The following RAD51B variants were observed in gnomAD, a reference collection of about 807,000 sequenced individuals.
RAD51B encodes DNA repair protein RAD51 homolog 2.
A neutral mutation model predicts 42.2 loss-of-function variants in RAD51B; 38 were observed. The ratio of observed to expected loss-of-function variants is 0.90; its 90% CI spans 0.70 to 1.18. RAD51B has a LOEUF of 1.18. Ranked by LOEUF, RAD51B falls within the 50% of genes most tolerant of loss-of-function variation. The pLI is 0.00. For missense variants in RAD51B, 373 were observed against 400.7 expected (o/e 0.93, Z 0.59); for synonymous variants, 154 against 145.2 (o/e 1.06, Z -0.43).
intron 7 of RAD51B, among the ~76,000 whole-genome samples, chr14:68,258,940 C>T (rs142574614): frequency 0.015 from 2,236 of 152,226 alleles, 23 homozygotes; most frequent in Non-Finnish European, 0.024. Context: ...CCTCTACTGC[C>T]GGTGGCCTAA....
chr14:68,237,069 G>C lies in RAD51B; in HGVS notation c.757-54815G>C, dbSNP rs2080273770. 1.3e-5 allele frequency among the ~76,000 whole-genome samples: 2 copies of C among 152,202 alleles called. 1 individual carries two copies. The highest frequency in any genetic ancestry group is 4.1e-4 in the South Asian group (2 of 4,822). ...CTGCTATTTCAATTATGTGAGCAGT[G>C]ATGTATCTGTCTCAAAAATCTCTGT... On this transcript the variant is annotated intron_variant, in intron 7 of 10. Transcript: ENST00000471583.
At chr14:67,838,504 A>G (rs2041321843) in intron 4 of RAD51B, among the ~76,000 whole-genome samples, 1 of 152,118 alleles carries the variant, frequency 6.6e-6, no homozygotes. Context: ...GTGCAGTGGC[A>G]CAACCATAGC....
In RAD51B at chr14:68,017,396, G is replaced by T. The variant is rs575448712; in HGVS notation, c.756+130192G>T. On this transcript the variant is annotated intron_variant, in intron 7 of 10. Coordinates refer to ENST00000471583, the MANE Select transcript of RAD51B (RefSeq NM_133510.4). Reference sequence around the variant, plus strand: ...ATTTTAGTAGAGACAAGGTTTCACCGTGTTGCCTAGGGTGGTCTTGAACTC... The same window carrying T: ...ATTTTAGTAGAGACAAGGTTTCACCTTGTTGCCTAGGGTGGTCTTGAACTC... Among the ~76,000 whole-genome samples, 8 of 152,020 alleles carry T rather than the reference G, an allele frequency of 5.3e-5. 1 individual carries two copies. In the South Asian group the frequency reaches 1.5e-3, roughly 28 times the overall value.
intron 7 of RAD51B, among the ~76,000 whole-genome samples, chr14:68,089,646 G>T (rs1389653569): frequency 6.6e-6 from 1 of 152,198 alleles, no homozygotes; most frequent in East Asian, 1.9e-4. Context: ...CCAAGTGCCA[G>T]ATTTGCATTT....
chr14:68,120,496 G>A (rs539633469), intron 7 of RAD51B, among the ~76,000 whole-genome samples: 1 of 152,318 alleles, frequency 6.6e-6, no homozygotes, highest in Non-Finnish European at 1.5e-5. Flanking sequence ...CTGGAAAGGT[G>A]CCTAACAAAA....
At chr14:68,514,963 C>T (rs1886030882) in intron 10 of RAD51B, among the ~76,000 whole-genome samples, 1 of 152,114 alleles carries the variant, frequency 6.6e-6, no homozygotes, top group African/African-American at 2.4e-5. Flanking sequence ...GATTTTCTTC[C>T]CTGTCTTCTA....
intron 8 of RAD51B, among the ~76,000 whole-genome samples, chr14:68,404,378 A>C (rs1172896138): frequency 6.6e-6 from 1 of 152,180 alleles, no homozygotes; most frequent in Non-Finnish European, 1.5e-5. Flanking sequence ...ATCTTGCAGG[A>C]AATCACCTTT....
At chr14:68,093,321 A>G (rs1005031045) in intron 7 of RAD51B, among the ~76,000 whole-genome samples, 23 of 152,256 alleles carry the variant, frequency 1.5e-4, no homozygotes, top group African/African-American at 4.8e-4. Context: ...CTGTGAATCC[A>G]TCTGGTCCTG....
intron 9 of RAD51B, among the ~76,000 whole-genome samples, chr14:68,426,869 GA>G (rs1050115925): frequency 2.0e-5 from 3 of 152,152 alleles, no homozygotes; most frequent in African/African-American, 7.2e-5. Flanking sequence ...GGAGCTCTAG[GA>G]GGGCAGATGG....
intron 10 of RAD51B, chr14:68,540,990 A>G (rs761196318): frequency 8.9e-5 from 88 of 985,318 alleles, no homozygotes; most frequent in Non-Finnish European, 1.0e-4. Context: ...AGTGGTTGTT[A>G]TTGCTATCAT....
intron 8 of RAD51B, among the ~76,000 whole-genome samples, chr14:68,307,292 T>C (rs1471443610): frequency 6.6e-6 from 1 of 152,214 alleles, no homozygotes; most frequent in Non-Finnish European, 1.5e-5. Context: ...TAAAACTTTG[T>C]ATCCGTAACC....
chr14:68,490,522 C>T lies in RAD51B; in HGVS notation c.1036+22272C>T, dbSNP rs1883981249. 2.0e-5 allele frequency among the ~76,000 whole-genome samples: 3 copies of T among 152,330 alleles called. No homozygotes were observed. The South Asian group carries it at 6.2e-4, about 32-fold the overall frequency. ...GATTATTTGAAAAGATTCTCTAAGA[C>T]ATATTGCCCCATTTCTCAACATCAA... On this transcript the variant is annotated intron_variant, in intron 10 of 10. Coordinates refer to the RAD51B transcript ENST00000487270.
intron 7 of RAD51B, among the ~76,000 whole-genome samples, chr14:68,121,033 A>G (rs2077642081): frequency 6.6e-6 from 1 of 152,180 alleles, no homozygotes; most frequent in South Asian, 2.1e-4. Flanking sequence ...GGTATAATGT[A>G]AAGTAAAAAT....
At position 67,835,157 on chromosome 14, in the gene RAD51B, A is replaced by G; in HGVS notation, c.276A>G (p.Glu92=). 6.2e-7 allele frequency: 1 copy of G among 1,614,092 alleles called. No individual in the cohort carries two copies. Among genetic ancestry groups the G allele is most frequent in the Non-Finnish European group, 8.5e-7 (1 of 1,179,966 alleles). Residue 92 remains glutamate, a synonymous_variant, in exon 4 of 11, where the codon GAA becomes GAG. Coordinates refer to ENST00000471583, the MANE Select transcript of RAD51B (RefSeq NM_133510.4). ...FLSTTLSALD[E]ALHGGVACGS... Reference sequence around the variant, plus strand: ...CTACTACCCTTTCTGCTTTGGACGAAGCCCTGCATGGTGGTGTGGCTTGTG... The same window carrying G: ...CTACTACCCTTTCTGCTTTGGACGAGGCCCTGCATGGTGGTGTGGCTTGTG...
chr14:68,424,625 G>A (rs1050515829), intron 9 of RAD51B, among the ~76,000 whole-genome samples: 29 of 152,128 alleles, frequency 1.9e-4, no homozygotes, highest in Middle Eastern at 3.4e-3. Flanking sequence ...CACTACCTTT[G>A]CCTTTTTATA....
chr14:68,573,030 G>C (rs115048671), intron 10 of RAD51B, among the ~76,000 whole-genome samples: 285 of 152,240 alleles, frequency 1.9e-3, no homozygotes, highest in African/African-American at 6.4e-3. Context: ...ACCCAGGCCA[G>C]GGAGTGTCAT....
intron 8 of RAD51B, among the ~76,000 whole-genome samples, chr14:68,406,607 A>G (rs2084281828): frequency 6.6e-6 from 1 of 152,168 alleles, no homozygotes. Context: ...GCTGTACACT[A>G]CTGTAGACTT....
chr14:68,536,125 G>A (rs1015356103), intron 10 of RAD51B, among the ~76,000 whole-genome samples: 9 of 152,160 alleles, frequency 5.9e-5, no homozygotes, highest in African/African-American at 2.2e-4. Flanking sequence ...CCACTTGGAT[G>A]GGATGAAACT....
At chr14:68,524,611 A>G (rs368962308) in intron 10 of RAD51B, among the ~76,000 whole-genome samples, 52 of 152,180 alleles carry the variant, frequency 3.4e-4, no homozygotes, top group African/African-American at 1.2e-3. Context: ...GAGATTTTAG[A>G]ACTGAGTTAA....
Sources: allele counts gnomAD v4.1 joint callset (sites outside exome capture counted in the v4.1 genomes callset), GRCh38; gene constraint gnomAD v4.1.1; transcripts MANE v1.5; gene names NCBI Gene and HGNC (gene_info 2026-07-23, HGNC 2026-07-21).